PLA2G4A: variants seen among roughly 807,000 people sequenced by gnomAD.
The protein encoded by PLA2G4A is cytosolic phospholipase A2.
PLA2G4A carries 40 observed loss-of-function variants against 81.9 expected under a neutral mutation model. That is an observed-to-expected ratio of 0.49 (90% CI 0.38 to 0.64). The LOEUF (loss-of-function observed/expected upper bound fraction) is 0.64, where lower values mean the gene tolerates loss of function less well. Among genes scored for constraint, PLA2G4A ranks in the 30% least tolerant of loss-of-function variants. The pLI, the probability that PLA2G4A is intolerant of heterozygous loss-of-function variation, is 0.00. For synonymous variants in PLA2G4A, 302 were observed against 296.9 expected (o/e 1.02, Z -0.18); for missense variants, 715 against 905.1 (o/e 0.79, Z 2.69).
chr1:186,838,477 T>C (rs1651867927), intron 1 of PLA2G4A, among the ~76,000 whole-genome samples: 1 of 152,174 alleles, frequency 6.6e-6, no homozygotes, highest in African/African-American at 2.4e-5. Context: ...TAGGAAGTAG[T>C]CCAAAATTGG....
intron 1 of PLA2G4A, among the ~76,000 whole-genome samples, chr1:186,845,635 C>A (rs1349855177): frequency 6.6e-6 from 1 of 152,108 alleles, no homozygotes; most frequent in Non-Finnish European, 1.5e-5. Flanking sequence ...CTTCCCGCCA[C>A]ATGCCACAAC....
At chr1:186,947,466 A>G (rs1451787961) in intron 12 of PLA2G4A, among the ~76,000 whole-genome samples, 1 of 152,186 alleles carries the variant, frequency 6.6e-6, no homozygotes, top group Non-Finnish European at 1.5e-5. Context: ...AATGATTTTC[A>G]TTAAATCTAA....
At chr1:186,984,324 C>A (rs1657824362) in intron 17 of PLA2G4A, among the ~76,000 whole-genome samples, 1 of 152,112 alleles carries the variant, frequency 6.6e-6, no homozygotes, top group Non-Finnish European at 1.5e-5. Flanking sequence ...AATATGTCTT[C>A]TGAGATTTCT....
chr1:186,939,125 A>G lies in PLA2G4A; in HGVS notation c.813A>G (p.Lys271=). Reference sequence around the variant, plus strand: ...CCCTTTTACTTCTCACACCACAGAAAGTTAAAAGATATGTTGAGTCTTTAT... The same window carrying G: ...CCCTTTTACTTCTCACACCACAGAAGGTTAAAAGATATGTTGAGTCTTTAT... ...HNPLLLLTPQ[K]VKRYVESLWK... is the part of the protein sequence containing the mutation. Residue 271 remains lysine, a synonymous_variant, in exon 9 of 18, where the codon AAA becomes AAG. Transcript: ENST00000367466. 6.2e-7 allele frequency: 1 copy of G among 1,608,776 alleles called. No homozygotes were observed.
chr1:186,893,335 C>G (rs777367997), intron 4 of PLA2G4A, among the ~76,000 whole-genome samples, 176 bp downstream of exon 4: 12 of 152,132 alleles, frequency 7.9e-5, no homozygotes, highest in Non-Finnish European at 1.5e-4. Context: ...TCTATCAGGA[C>G]ATACAGGAGT....
At chr1:186,830,434 C>G (rs547208912) in intron 1 of PLA2G4A, among the ~76,000 whole-genome samples, 8 of 151,394 alleles carry the variant, frequency 5.3e-5, no homozygotes, top group Non-Finnish European at 1.0e-4. Flanking sequence ...GTGGTGAAAC[C>G]CCATCTCTAC....
At chr1:186,907,069 A>G (rs1309306628) in intron 6 of PLA2G4A, 67 bp downstream of exon 6, 5 of 863,466 alleles carry the variant, frequency 5.8e-6, no homozygotes, top group African/African-American at 1.7e-5. Context: ...TTAATTGTTA[A>G]AGAATTTTTT....
chr1:186,933,038 A>G, intron 8 of PLA2G4A, 139 bp downstream of exon 8: 1 of 693,466 alleles, frequency 1.4e-6, no homozygotes. Context: ...TGATGCCACA[A>G]TCTGCTTTAA....
intron 1 of PLA2G4A, among the ~76,000 whole-genome samples, chr1:186,851,943 AG>A (rs1652387564): frequency 6.6e-6 from 1 of 152,040 alleles, no homozygotes; most frequent in Non-Finnish European, 1.5e-5. Context: ...AGTGTAAGAC[AG>A]CATAGTAGAA....
Position 186,956,197 on chromosome 1 carries a change from T to C in PLA2G4A, c.1432T>C (p.Leu478=). 1 of 1,614,028 alleles carries C rather than the reference T, an allele frequency of 6.2e-7. No individual in the cohort carries two copies. Among genetic ancestry groups the C allele is most frequent in the South Asian group, 1.1e-5 (1 of 91,084 alleles). Residue 478 remains leucine (L), a synonymous_variant, in exon 14 of 18, where the codon TTA becomes CTA. Transcript: ENST00000367466. ...MIMALVSDSA[L]FNTREGRAGK... ...AATGGCCTTGGTGAGTGATTCAGCT[T>C]TATTCAATACCAGAGAAGGACGTGC...
intron 3 of PLA2G4A, among the ~76,000 whole-genome samples, chr1:186,871,337 A>G (rs999888789): frequency 1.3e-5 from 2 of 152,216 alleles, no homozygotes; most frequent in Admixed American, 6.5e-5. Context: ...TGGATACAAC[A>G]AAGTATTATG....
chr1:186,922,332 C>T (rs772645104), intron 7 of PLA2G4A, among the ~76,000 whole-genome samples: 2 of 152,170 alleles, frequency 1.3e-5, no homozygotes, highest in Admixed American at 6.5e-5. Context: ...ACCAAAGTGC[C>T]GGTACAGGCA....
rs186080207 is a variant in PLA2G4A, at chr1:186,942,882, G to A, written c.1033+2788G>A. Among the ~76,000 whole-genome samples, 17 of 152,058 alleles carry A rather than the reference G, an allele frequency of 1.1e-4. No homozygotes were observed. In the East Asian group the frequency reaches 2.5e-3, roughly 23 times the overall value. The stretch of plus-strand genomic sequence containing the variant: ...CATTGTTAAGCTTCTGTCATAAGGC[G>A]GGTTGAGCTGTGTCTTCCAACAGAT... On this transcript the variant is annotated intron_variant, in intron 10 of 17. Transcript: ENST00000367466.
intron 9 of PLA2G4A, among the ~76,000 whole-genome samples, chr1:186,939,744 T>G (rs1356443821): frequency 6.6e-6 from 1 of 152,194 alleles, no homozygotes; most frequent in Admixed American, 6.5e-5. Flanking sequence ...TAATTCATTC[T>G]CCAGTTCAGA....
intron 5 of PLA2G4A, among the ~76,000 whole-genome samples, chr1:186,905,554 T>C (rs1654704216): frequency 6.6e-6 from 1 of 152,190 alleles, no homozygotes; most frequent in Non-Finnish European, 1.5e-5. Flanking sequence ...TTTAAAAATA[T>C]GTATATGCTT....
At chr1:186,986,309 T>C (rs369483832) in intron 17 of PLA2G4A, among the ~76,000 whole-genome samples, 5 of 152,306 alleles carry the variant, frequency 3.3e-5, no homozygotes, top group African/African-American at 1.2e-4. Flanking sequence ...TTTTGTATGG[T>C]CTTTTTTATT....
intron 7 of PLA2G4A, among the ~76,000 whole-genome samples, chr1:186,916,532 A>G (rs1355941814): frequency 1.3e-5 from 2 of 152,124 alleles, no homozygotes; most frequent in Non-Finnish European, 2.9e-5. Context: ...ACAGGCATCA[A>G]ATTTCAAGAT....
intron 12 of PLA2G4A, among the ~76,000 whole-genome samples, chr1:186,949,307 A>G (rs1308466342): frequency 1.3e-5 from 2 of 149,960 alleles, no homozygotes; most frequent in Non-Finnish European, 3.0e-5. Context: ...AAAAGAAAGA[A>G]AGAGAAAGAA....
intron 17 of PLA2G4A, among the ~76,000 whole-genome samples, chr1:186,981,977 TA>T (rs937610161): frequency 6.6e-6 from 1 of 152,062 alleles, no homozygotes; most frequent in African/African-American, 2.4e-5. Context: ...CTATCTGTAA[TA>T]AAAAAAGTGA....
Sources: allele counts gnomAD v4.1 joint callset (sites outside exome capture counted in the v4.1 genomes callset), GRCh38; gene constraint gnomAD v4.1.1; transcripts MANE v1.5; gene names NCBI Gene and HGNC (gene_info 2026-07-23, HGNC 2026-07-21).